IQCM: variants seen among roughly 807,000 people sequenced by gnomAD.
The protein encoded by IQCM is IQ motif containing M.
A neutral mutation model predicts 57.6 loss-of-function variants in IQCM; 45 were observed. That is an observed-to-expected ratio of 0.78 (90% CI 0.62 to 1.00). The LOEUF is 1.00. IQCM is among the 50% of genes least tolerant of loss of function. The pLI, the probability that IQCM is intolerant of heterozygous loss-of-function variation, is 0.00. For synonymous variants in IQCM, 148 were observed against 158.9 expected, an observed-to-expected ratio of 0.93 and a Z score of 0.51; for missense variants, 468 against 511.6, an observed-to-expected ratio of 0.91 and a Z score of 0.82.
chr4:149,423,369 C>T (rs1450665405), intron 13 of IQCM, among the ~76,000 whole-genome samples: 4 of 151,980 alleles, frequency 2.6e-5, no homozygotes, highest in Admixed American at 1.3e-4. Context: ...ATGATCCAAT[C>T]GCCTCCCTCC....
intron 2 of IQCM, among the ~76,000 whole-genome samples, chr4:149,754,669 C>T (rs1244303175): frequency 6.6e-6 from 1 of 152,170 alleles, no homozygotes; most frequent in East Asian, 1.9e-4. Context: ...CCTTCTCTTA[C>T]TTCCTTCTCA....
chr4:149,662,833 T>G (rs1760344425), intron 7 of IQCM, among the ~76,000 whole-genome samples: 3 of 152,048 alleles, frequency 2.0e-5, no homozygotes. Context: ...AGCATACAGT[T>G]GGGTCTTGTT....
intron 2 of IQCM, among the ~76,000 whole-genome samples, chr4:149,768,594 C>A (rs1770273917): frequency 6.6e-6 from 1 of 152,000 alleles, no homozygotes; most frequent in Non-Finnish European, 1.5e-5. Context: ...GGAACTTGAA[C>A]TTTTGCTGCC....
At chr4:149,541,956 T>A (rs1747894022) in intron 12 of IQCM, among the ~76,000 whole-genome samples, 1 of 152,094 alleles carries the variant, frequency 6.6e-6, no homozygotes, top group Non-Finnish European at 1.5e-5. Context: ...TCAGTATGAA[T>A]GAAGATGATA....
chr4:149,401,558 T>G (rs1298017635), intron 13 of IQCM, among the ~76,000 whole-genome samples: 1 of 151,814 alleles, frequency 6.6e-6, no homozygotes, highest in Non-Finnish European at 1.5e-5. Context: ...AATAAGTTGA[T>G]TGTGTCACTA....
chr4:149,596,420 GATGGT>G (rs1753786340), intron 8 of IQCM, among the ~76,000 whole-genome samples: 1 of 152,126 alleles, frequency 6.6e-6, no homozygotes, highest in African/African-American at 2.4e-5. Context: ...TTGCCTTGGG[GATGGT>G]ATGGCAATTT....
rs186734394 is a variant in IQCM at position 149,354,850 on chromosome 4, G to C, written c.1391-2784C>G. 2.6e-5 allele frequency among the ~76,000 whole-genome samples: 4 copies of C among 152,184 alleles called. No homozygotes were observed. The East Asian group carries it at 7.7e-4, about 29-fold the overall frequency. On this transcript the variant is annotated intron_variant, in intron 13 of 13. Coordinates refer to ENST00000636793, the MANE Select transcript of IQCM (RefSeq NM_001363507.2). Reference sequence around the variant, plus strand: ...ATATTTCATGAATATTAACTCTTCAGTTGTAATGAATGTACCACACTAATG... The same window carrying C: ...ATATTTCATGAATATTAACTCTTCACTTGTAATGAATGTACCACACTAATG...
At chr4:149,478,533 A>C (rs1273051109) in intron 12 of IQCM, among the ~76,000 whole-genome samples, 3 of 152,172 alleles carry the variant, frequency 2.0e-5, no homozygotes. Flanking sequence ...TTAAGGTATG[A>C]AAAACAATAA....
At chr4:149,524,902 A>G (rs931899707) in intron 12 of IQCM, among the ~76,000 whole-genome samples, 1 of 151,688 alleles carries the variant, frequency 6.6e-6, no homozygotes, top group Admixed American at 6.6e-5. Context: ...ATAAATTAAA[A>G]ATTTCCTAAA....
At chr4:149,536,878 T>G (rs1403933581) in intron 12 of IQCM, among the ~76,000 whole-genome samples, 1 of 151,946 alleles carries the variant, frequency 6.6e-6, no homozygotes, top group East Asian at 1.9e-4. Flanking sequence ...GTGAAAGCAA[T>G]AAAGAATACC....
intron 13 of IQCM, among the ~76,000 whole-genome samples, chr4:149,407,839 T>C (rs1733093979): frequency 6.6e-6 from 1 of 152,168 alleles, no homozygotes; most frequent in South Asian, 2.1e-4. Context: ...ATTTTTTATA[T>C]AATTTATTTT....
intron 11 of IQCM, among the ~76,000 whole-genome samples, chr4:149,549,926 A>G (rs1232048904): frequency 6.6e-6 from 1 of 152,252 alleles, no homozygotes; most frequent in Admixed American, 6.5e-5. Context: ...AAAACACAGC[A>G]GTAAAATAAA....
chr4:149,382,769 C>T (rs1318127328), intron 13 of IQCM, among the ~76,000 whole-genome samples: 1 of 151,814 alleles, frequency 6.6e-6, no homozygotes, highest in Non-Finnish European at 1.5e-5. Context: ...CAATAAAGGC[C>T]CTATTATGTA....
At chr4:149,662,364 T>A (rs1353473229) in intron 7 of IQCM, among the ~76,000 whole-genome samples, 1 of 152,074 alleles carries the variant, frequency 6.6e-6, no homozygotes, top group Non-Finnish European at 1.5e-5. Flanking sequence ...TAACATATGA[T>A]CTATCCTGAA....
intron 12 of IQCM, among the ~76,000 whole-genome samples, chr4:149,536,786 T>C (rs956251975): frequency 6.6e-6 from 1 of 152,052 alleles, no homozygotes; most frequent in Non-Finnish European, 1.5e-5. Context: ...ATTAGTATGT[T>C]CTCATGAATT....
chr4:149,671,636 C>G (rs1579943388), intron 7 of IQCM, among the ~76,000 whole-genome samples: 1 of 152,274 alleles, frequency 6.6e-6, no homozygotes, highest in South Asian at 2.1e-4. Context: ...TTTCCCTCTA[C>G]ACACTGCTTT....
chr4:149,355,400 C>G (rs1161220277), intron 13 of IQCM, among the ~76,000 whole-genome samples: 2 of 123,086 alleles, frequency 1.6e-5, no homozygotes, highest in African/African-American at 3.0e-5. Flanking sequence ...CCCCTCCCCC[C>G]ACCCCACAAC....
chr4:149,799,565 T>G (rs1489194904), intron 2 of IQCM, among the ~76,000 whole-genome samples: 1 of 151,570 alleles, frequency 6.6e-6, no homozygotes, highest in African/African-American at 2.4e-5. Flanking sequence ...TTTTAAAAGT[T>G]AAACTAAAAT....
At chr4:149,694,218 C>CTTTT (rs70965195) in intron 5 of IQCM, among the ~76,000 whole-genome samples, 177 of 94,796 alleles carry the variant, frequency 1.9e-3, no homozygotes, top group Non-Finnish European at 2.4e-3. Flanking sequence ...GGATTAATTT[C>CTTTT]TTTTTTTTTT....
Sources: gnomAD v4.1 joint callset for allele counts (sites outside exome capture counted in the v4.1 genomes callset) on GRCh38, gnomAD v4.1.1 for gene constraint, MANE v1.5 for transcripts, NCBI Gene and HGNC (gene_info 2026-07-23, HGNC 2026-07-21) for gene names.